Variants in PCMTD1 observed in about 807,000 individuals in gnomAD.
PCMTD1 encodes the protein protein-L-isoaspartate (D-aspartate) O-methyltransferase domain containing 1.
Under a neutral mutation model 37.6 loss-of-function variants are expected in PCMTD1, and 12 were observed. The observed-to-expected ratio is 0.32, with a 90% CI of 0.20 to 0.52. PCMTD1 has a LOEUF of 0.52. Among genes scored for constraint, PCMTD1 ranks in the 20% least tolerant of loss-of-function variants. The pLI, the probability that PCMTD1 is intolerant of heterozygous loss-of-function variation, is 0.97. For synonymous variants in PCMTD1, 117 were observed against 135.8 expected, an observed-to-expected ratio of 0.86 and a Z score of 0.96; for missense variants, 235 against 421.3, an observed-to-expected ratio of 0.56 and a Z score of 3.87.
At chr8:51,824,447 T>C (rs184407562) in intron 5 of PCMTD1, among the ~76,000 whole-genome samples, 59 of 152,236 alleles carry the variant, frequency 3.9e-4, no homozygotes, top group African/African-American at 1.1e-3. Flanking sequence ...CCATTCGCAA[T>C]TGCTACTAAG....
rs148911904 is a variant in PCMTD1 at position 51,853,027 on chromosome 8, G to A, written c.308-7264C>T. Among the ~76,000 whole-genome samples, 385 of 152,256 alleles carry A rather than the reference G, an allele frequency of 2.5e-3. 2 individuals carry two copies. Among genetic ancestry groups the A allele is most frequent in the African/African-American group, 8.9e-3 (371 of 41,522 alleles). On this transcript the variant is annotated intron_variant, in intron 2 of 5. Transcript: ENST00000522514. ...CAAGAGTGTCCAGAGCTCAGCTGCC[G>A]GACCTTGGAGGCAGAAATCTATGAA...
At chr8:51,875,270 A>G (rs1199710036) in intron 1 of PCMTD1, among the ~76,000 whole-genome samples, 1 of 152,190 alleles carries the variant, frequency 6.6e-6, no homozygotes, top group East Asian at 1.9e-4. Context: ...AGGTTTTCCT[A>G]TTATTTTTAT....
intron 3 of PCMTD1, among the ~76,000 whole-genome samples, chr8:51,843,786 CAG>C (rs1056947202): frequency 4.7e-5 from 7 of 150,522 alleles, no homozygotes; most frequent in Non-Finnish European, 9.0e-5. Flanking sequence ...GACACTTGCA[CAG>C]AGTTGCTTCA....
rs199791324 is a variant in PCMTD1, at chr8:51,819,801, T to TA, written c.*549dup. 6.6e-6 allele frequency: 1 copy of TA among 152,646 alleles called. No homozygotes were observed. The highest frequency in any genetic ancestry group is 2.4e-5 in the African/African-American group (1 of 41,456). The allele number at this position is 152,646 out of a possible 1,614,324, so 9.5% of individuals were successfully genotyped here. A position where few individuals can be genotyped will look rare whatever the true frequency, so the allele number is the denominator to read the frequency against. ...ATTTCATAAAATTTGTGGGATTTTT[T>TA]AAAGCTAAATTATTCAATATCTTGT... On this transcript the variant is annotated 3_prime_UTR_variant, in exon 6 of 6. Transcript: ENST00000522514.
chr8:51,884,724 G>A (rs1312087967), intron 1 of PCMTD1, among the ~76,000 whole-genome samples: 1 of 152,096 alleles, frequency 6.6e-6, no homozygotes. Flanking sequence ...ACTCTCTTTT[G>A]GACAGTTTGT....
Position 51,860,973 on chromosome 8 carries a change from T to C in PCMTD1, c.179A>G (p.Asn60Ser). ...AATGCAAGGTGCTGACAAGTGGATG[T>C]TTCCATGCTTCCAGGCTAAGTCTTT... ...AYKDLAWKHG[N>S]IHLSAPCIYS... The change falls in exon 2 of 6, where the codon AAC (asparagine) becomes AGC (serine). Residue 60 changes from asparagine (N) to serine (S), a missense_variant. By Grantham distance (46) the Asn-to-Ser change is conservative. Transcript: ENST00000522514. The C allele has an allele frequency of 6.2e-7, 1 of 1,614,178 alleles. No homozygotes were observed. Among genetic ancestry groups the C allele is most frequent in the Non-Finnish European group, 8.5e-7 (1 of 1,180,014 alleles).
Position 51,817,669 on chromosome 8 carries a change from C to T in PCMTD1, c.*2682G>A, listed in dbSNP as rs2037777876. 1 of 220,916 alleles carries T rather than the reference C, an allele frequency of 4.5e-6. No individual in the cohort carries two copies. The highest frequency in any genetic ancestry group is 2.3e-5 in the African/African-American group (1 of 42,646). 13.7% of individuals were successfully genotyped at this position (220,916 alleles called of 1,614,324 possible). A position where few individuals can be genotyped will look rare whatever the true frequency, so the allele number is the denominator to read the frequency against. Reference sequence around the variant, plus strand: ...TTTGCTTCACTTTTATCATCTCAAACAGCTATAAATCAACACACTTTTTGT... The same window carrying T: ...TTTGCTTCACTTTTATCATCTCAAATAGCTATAAATCAACACACTTTTTGT... On this transcript the variant is annotated 3_prime_UTR_variant, in exon 6 of 6. Transcript: ENST00000522514.
At position 51,842,730 on chromosome 8, in the gene PCMTD1, A is replaced by C. The variant is rs150133424; in HGVS notation, c.410+2931T>G. On this transcript the variant is annotated intron_variant, in intron 3 of 5. Transcript: ENST00000522514. ...ATTTGGGAGTTTACTATGATCTTAA[A>C]TATATGTATATAAGAAAACTTTAAA... Among the ~76,000 whole-genome samples, 79 of 152,274 alleles carry C rather than the reference A, an allele frequency of 5.2e-4. 2 individuals are homozygous for C. In the East Asian group the frequency reaches 0.01, roughly 20 times the overall value.
chr8:51,885,214 C>T lies in PCMTD1; in HGVS notation c.-96+13716G>A, dbSNP rs531710238. On this transcript the variant is annotated intron_variant, in intron 1 of 5. Transcript: ENST00000522514. ...CTCAATTTAACTTAAATTACTATAT[C>T]CCACAAACATTCTCTCATCCTTTTA... is the stretch of plus-strand genomic sequence containing the variant. Among the ~76,000 whole-genome samples, 3 of 152,278 alleles carry T rather than the reference C, an allele frequency of 2.0e-5. No individual in the cohort carries two copies. In the South Asian group the frequency reaches 6.2e-4, roughly 32 times the overall value.
intron 5 of PCMTD1, among the ~76,000 whole-genome samples, chr8:51,830,213 C>G (rs2037979762): frequency 6.6e-6 from 1 of 152,152 alleles, no homozygotes. Flanking sequence ...TCCAATATCT[C>G]CTCTTTATCT....
intron 1 of PCMTD1, 84 bp downstream of exon 1, chr8:51,898,846 A>AG: frequency 8.3e-7 from 1 of 1,210,866 alleles, no homozygotes; most frequent in Non-Finnish European, 1.0e-6. Context: ...CTGGCCTCCA[A>AG]GCGCATCCCA....
chr8:51,883,979 G>A (rs972388480), intron 1 of PCMTD1, among the ~76,000 whole-genome samples: 8 of 152,138 alleles, frequency 5.3e-5, no homozygotes, highest in Admixed American at 2.0e-4. Flanking sequence ...TATCTAGTTC[G>A]CTGTCATGCA....
intron 5 of PCMTD1, among the ~76,000 whole-genome samples, chr8:51,821,816 A>G (rs1399139772): frequency 6.6e-6 from 1 of 151,100 alleles, no homozygotes; most frequent in Non-Finnish European, 1.5e-5. Flanking sequence ...AGCTACTGCA[A>G]CCTCCACCTC....
chr8:51,820,829 A>G lies in PCMTD1; in HGVS notation c.707-111T>C, dbSNP rs527297934. On this transcript the variant is annotated intron_variant, in intron 5 of 5. Coordinates refer to ENST00000522514, the MANE Select transcript of PCMTD1 (RefSeq NM_052937.4). ...TTTCTTAGCATATTTTAGAAAATACAGAAAATATGAAAACTCTACCTTTCA... is the reference window on the plus strand; with the variant it reads ...TTTCTTAGCATATTTTAGAAAATACGGAAAATATGAAAACTCTACCTTTCA... 6 of 1,230,000 alleles carry G rather than the reference A, an allele frequency of 4.9e-6. 1 individual carries two copies. In the South Asian group the frequency reaches 1.0e-4, roughly 21 times the overall value. The allele number at this position is 1,230,000 out of a possible 1,614,324, so 76.2% of individuals were successfully genotyped here.
At chr8:51,824,161 A>C (rs1239941413) in intron 5 of PCMTD1, among the ~76,000 whole-genome samples, 1 of 152,096 alleles carries the variant, frequency 6.6e-6, no homozygotes, top group Non-Finnish European at 1.5e-5. Context: ...CTCTCTCACC[A>C]CTCCTATTCA....
At chr8:51,866,488 A>T (rs2038557271) in intron 1 of PCMTD1, among the ~76,000 whole-genome samples, 2 of 151,972 alleles carry the variant, frequency 1.3e-5, no homozygotes, top group Admixed American at 6.6e-5. Context: ...ATTTATGGTC[A>T]ATTAATTTTC....
rs1585871398 is a variant in PCMTD1, at chr8:51,898,701, C to T, written c.-96+229G>A. Among the ~76,000 whole-genome samples the T allele has an allele frequency of 2.0e-5, 3 of 152,124 alleles. No individual in the cohort carries two copies. In the South Asian group the frequency reaches 6.2e-4, roughly 32 times the overall value. On this transcript the variant is annotated intron_variant, in intron 1 of 5. Transcript: ENST00000522514. ...CTTCGCTGGGCCCCTTTCGACTCCC[C>T]GACCTCCCAAGTCCTCCGCCCCCGG...
chr8:51,825,232 T>TA (rs1308664895), intron 5 of PCMTD1, among the ~76,000 whole-genome samples: 11 of 151,848 alleles, frequency 7.2e-5, no homozygotes, highest in Non-Finnish European at 1.6e-4. Flanking sequence ...CACAGCAAAA[T>TA]AAACTATCAT....
At chr8:51,851,595 G>A (rs4584139) in intron 2 of PCMTD1, among the ~76,000 whole-genome samples, 104,428 of 151,802 alleles carry the variant, frequency 0.69, 42,358 homozygotes, top group Non-Finnish European at 0.9. Context: ...TGAGAATAAG[G>A]TATATATAAT....
Sources: allele counts gnomAD v4.1 joint callset (sites outside exome capture counted in the v4.1 genomes callset), GRCh38; gene constraint gnomAD v4.1.1; transcripts MANE v1.5; gene names NCBI Gene and HGNC (gene_info 2026-07-23, HGNC 2026-07-21).